MCCC1: variants seen among roughly 807,000 people sequenced by gnomAD.
MCCC1 encodes the protein methylcrotonyl-CoA carboxylase subunit 1.
MCCC1 carries 64 observed loss-of-function variants against 83.8 expected under a neutral mutation model. That is an observed-to-expected ratio of 0.76 (90% CI 0.62 to 0.94). The LOEUF (loss-of-function observed/expected upper bound fraction) is 0.94. MCCC1 is among the 40% of genes least tolerant of loss of function. The pLI is 0.00. For synonymous variants in MCCC1, 322 were observed against 315.4 expected (o/e 1.02, Z -0.22); for missense variants, 807 against 904.7 (o/e 0.89, Z 1.39).
chr3:183,091,813 C>T (rs556954245), intron 3 of MCCC1, among the ~76,000 whole-genome samples: 42 of 152,018 alleles, frequency 2.8e-4, no homozygotes, highest in East Asian at 9.7e-4. Context: ...CCAAGGTGGG[C>T]GGATCACGAG....
chr3:183,037,094 A>T (rs1433598087), intron 13 of MCCC1, 124 bp downstream of exon 13: 4 of 920,432 alleles, frequency 4.3e-6, no homozygotes, highest in Non-Finnish European at 7.0e-6. Flanking sequence ...AACACATCTG[A>T]AAAGAATGGT....
chr3:183,015,308 G>A lies in MCCC1; in HGVS notation c.*130C>T, dbSNP rs1711531246. 2.2e-6 allele frequency: 2 copies of A among 891,646 alleles called. No homozygotes were observed. 55.2% of individuals were successfully genotyped at this position (891,646 alleles called of 1,614,324 possible). A position where few individuals can be genotyped will look rare whatever the true frequency, so the allele number is the denominator to read the frequency against. ...AAATGCATGATTCTCCAATATGAAA[G>A]GTGTTCAGCATAAGCATACAATCAT... is the stretch of plus-strand genomic sequence containing the variant. On this transcript the variant is annotated 3_prime_UTR_variant, in exon 19 of 19. Coordinates refer to ENST00000265594, the MANE Select transcript of MCCC1 (RefSeq NM_020166.5).
At chr3:183,033,951 T>C (rs1713295899) in intron 14 of MCCC1, 40 bp downstream of exon 14, 2 of 1,432,908 alleles carry the variant, frequency 1.4e-6, no homozygotes, top group Non-Finnish European at 2.0e-6. Flanking sequence ...GTGATACATT[T>C]CTATGACTCA....
intron 1 of MCCC1, among the ~76,000 whole-genome samples, chr3:183,097,369 AT>A (rs1718818426): frequency 6.6e-6 from 1 of 152,250 alleles, no homozygotes; most frequent in South Asian, 2.1e-4. Context: ...TAACATAAAA[AT>A]AATGTAAACT....
At position 183,059,938 on chromosome 3, in the gene MCCC1, G is replaced by C. The variant is rs369039673; in HGVS notation, c.762-2516C>G. On this transcript the variant is annotated intron_variant, in intron 7 of 18. Coordinates refer to ENST00000265594, the MANE Select transcript of MCCC1 (RefSeq NM_020166.5). ...TTGTCTTTCTTTTCCTGCATTTGAA[G>C]ATGATGTGCATAGATGTATATATTT... is the stretch of plus-strand genomic sequence containing the variant. Among the ~76,000 whole-genome samples the C allele has an allele frequency of 1.3e-4, 20 of 152,154 alleles. No homozygotes were observed. In the East Asian group the frequency reaches 2.1e-3, roughly 16 times the overall value.
At chr3:183,036,431 G>A (rs1366978226) in intron 13 of MCCC1, among the ~76,000 whole-genome samples, 2 of 151,896 alleles carry the variant, frequency 1.3e-5, no homozygotes, top group South Asian at 2.1e-4. Context: ...CAGGTACAGA[G>A]GACAAAACAA....
rs1198312440 is a variant in MCCC1, at chr3:183,036,535, T to TC, written c.1594+682dup. On this transcript the variant is annotated intron_variant, in intron 13 of 18. Coordinates refer to ENST00000265594, the MANE Select transcript of MCCC1 (RefSeq NM_020166.5). ...GTGTTTGACTGAAAAGAGATCCATT[T>TC]CCTTTTTTTTTTTTTTTTTTTTTAG... 2.3e-5 allele frequency among the ~76,000 whole-genome samples: 3 copies of TC among 129,032 alleles called. No homozygotes were observed. The East Asian group carries it at 6.3e-4, about 27-fold the overall frequency. 84.7% of individuals were successfully genotyped at this position (129,032 alleles called of 152,430 possible).
At chr3:183,110,839 T>G (rs1434852068) in intron 1 of MCCC1, among the ~76,000 whole-genome samples, 3 of 152,210 alleles carry the variant, frequency 2.0e-5, no homozygotes, top group Non-Finnish European at 4.4e-5. Context: ...AGGGATCTAG[T>G]TTCAATCTTC....
intron 10 of MCCC1, among the ~76,000 whole-genome samples, chr3:183,042,411 G>C (rs1714165912): frequency 6.6e-6 from 1 of 152,076 alleles, no homozygotes; most frequent in African/African-American, 2.4e-5. Flanking sequence ...AGTATAAATT[G>C]GAAATGGCTA....
At chr3:183,037,489 G>T in intron 12 of MCCC1, 55 bp from the exon 13 acceptor site, 1 of 1,377,846 alleles carries the variant, frequency 7.3e-7, no homozygotes, top group Non-Finnish European at 1.0e-6. Context: ...AATATGTTCA[G>T]AAAACCATCT....
intron 4 of MCCC1, among the ~76,000 whole-genome samples, chr3:183,077,710 T>C (rs1350406351): frequency 1.3e-5 from 2 of 152,190 alleles, no homozygotes; most frequent in African/African-American, 4.8e-5. Flanking sequence ...TCTCCTATGT[T>C]TTCTTCTAGA....
intron 14 of MCCC1, among the ~76,000 whole-genome samples, chr3:183,026,108 T>C (rs912525459): frequency 1.3e-5 from 2 of 152,218 alleles, no homozygotes; most frequent in Non-Finnish European, 2.9e-5. Context: ...AGTGGTGCAA[T>C]CACAGCTCAC....
At chr3:183,062,743 T>C (rs1435506181) in intron 7 of MCCC1, among the ~76,000 whole-genome samples, 1 of 152,232 alleles carries the variant, frequency 6.6e-6, no homozygotes, top group Non-Finnish European at 1.5e-5. Flanking sequence ...TTAGGATTTC[T>C]GTAGTCATTC....
intron 1 of MCCC1, among the ~76,000 whole-genome samples, chr3:183,113,420 TG>T (rs1224916690): frequency 3.8e-5 from 1 of 26,264 alleles, no homozygotes; most frequent in Non-Finnish European, 7.3e-5. Context: ...TGTTGTGGGG[TG>T]GGGGGAGGGG....
At chr3:183,111,456 C>G (rs530196594) in intron 1 of MCCC1, among the ~76,000 whole-genome samples, 1 of 152,162 alleles carries the variant, frequency 6.6e-6, no homozygotes, top group Non-Finnish European at 1.5e-5. Flanking sequence ...CCTACCACCA[C>G]GCCTGGCTAA....
chr3:183,027,162 T>C (rs952717995), intron 14 of MCCC1, among the ~76,000 whole-genome samples: 1 of 152,210 alleles, frequency 6.6e-6, no homozygotes, highest in African/African-American at 2.4e-5. Context: ...TCTGCGCCCA[T>C]GTAAGATAGA....
intron 10 of MCCC1, 34 bp from the exon 11 acceptor site, chr3:183,041,784 C>T: frequency 6.2e-7 from 1 of 1,610,702 alleles, no homozygotes; most frequent in Non-Finnish European, 8.5e-7. Context: ...ATGAAATCTA[C>T]CGTATAGCGG....
chr3:183,052,331 G>A, intron 8 of MCCC1, 91 bp from the exon 9 acceptor site: 1 of 1,128,214 alleles, frequency 8.9e-7, no homozygotes, highest in South Asian at 1.3e-5. Flanking sequence ...GCCACATAAT[G>A]ACGTTTCTTA....
intron 13 of MCCC1, 144 bp from the exon 14 acceptor site, chr3:183,034,221 C>T (rs937027606): frequency 1.1e-4 from 70 of 619,852 alleles, no homozygotes; most frequent in South Asian, 3.2e-4. Flanking sequence ...GAGGCCAAGG[C>T]GGGCGGATCA....
Sources: gnomAD v4.1 joint callset for allele counts (sites outside exome capture counted in the v4.1 genomes callset) on GRCh38, gnomAD v4.1.1 for gene constraint, MANE v1.5 for transcripts, NCBI Gene and HGNC (gene_info 2026-07-23, HGNC 2026-07-21) for gene names.